Variants in SLC4A4 observed in about 807,000 individuals in gnomAD.
SLC4A4 encodes the protein solute carrier family 4 member 4.
A neutral mutation model predicts 111.5 loss-of-function variants in SLC4A4; 27 were observed. The ratio of observed to expected loss-of-function variants is 0.24; its 90% confidence interval spans 0.18 to 0.33. The LOEUF is 0.33. Among genes scored for constraint, SLC4A4 ranks in the 10% least tolerant of loss-of-function variants. SLC4A4 has a pLI of 1.00. For missense variants in SLC4A4, 909 were observed against 1,315.5 expected (o/e 0.69, Z 4.78); for synonymous variants, 443 against 463.4 (o/e 0.96, Z 0.57).
chr4:71,320,552 G>A (rs931353779), intron 3 of SLC4A4, among the ~76,000 whole-genome samples: 1 of 152,030 alleles, frequency 6.6e-6, no homozygotes, highest in African/African-American at 2.4e-5. Context: ...AGGTGGCAGA[G>A]GGATTTGGAC....
At chr4:71,198,632 C>A (rs1180993655) in intron 1 of SLC4A4, among the ~76,000 whole-genome samples, 1 of 152,078 alleles carries the variant, frequency 6.6e-6, no homozygotes, top group African/African-American at 2.4e-5. Flanking sequence ...TGAACACTTA[C>A]CCCAAATCCA....
chr4:71,412,193 C>T (rs530983534), intron 7 of SLC4A4, among the ~76,000 whole-genome samples: 4 of 152,216 alleles, frequency 2.6e-5, no homozygotes, highest in South Asian at 4.2e-4. Context: ...TGAATAAGAA[C>T]GTGAAAAATC....
chr4:71,362,735 AG>A (rs1218646581), intron 6 of SLC4A4, among the ~76,000 whole-genome samples: 6 of 148,522 alleles, frequency 4.0e-5, no homozygotes, highest in Non-Finnish European at 7.5e-5. Context: ...AATGGGTGTC[AG>A]GGGGGGTCCT....
intron 16 of SLC4A4, among the ~76,000 whole-genome samples, chr4:71,499,492 A>G (rs577679126): frequency 5.1e-4 from 78 of 152,236 alleles, no homozygotes; most frequent in Middle Eastern, 6.8e-3. Context: ...TATACAACAC[A>G]TTATTATTAG....
At position 71,276,563 on chromosome 4, in the gene SLC4A4, G is replaced by T. The variant is rs28628691; in HGVS notation, c.253+21164G>T. ...ATGAAATCATATGGTATGTGAATCTGCTTTTTTTTTTTTTAGATCTTCTTC... is the reference window on the plus strand; with the variant it reads ...ATGAAATCATATGGTATGTGAATCTTCTTTTTTTTTTTTTAGATCTTCTTC... On this transcript the variant is annotated intron_variant, in intron 3 of 25. Transcript: ENST00000264485. Among the ~76,000 whole-genome samples, 132 of 148,370 alleles carry T rather than the reference G, an allele frequency of 8.9e-4. No individual in the cohort carries two copies. In the South Asian group the frequency reaches 0.012, roughly 13 times the overall value.
chr4:71,193,350 A>T (rs2579363), intron 1 of SLC4A4, among the ~76,000 whole-genome samples: 7 of 151,200 alleles, frequency 4.6e-5, no homozygotes, highest in East Asian at 1.9e-4. Context: ...TAGTAGAGAC[A>T]GGGTTTCACC....
intron 14 of SLC4A4, among the ~76,000 whole-genome samples, chr4:71,473,570 G>A (rs1728081794): frequency 6.6e-6 from 1 of 151,854 alleles, no homozygotes; most frequent in Non-Finnish European, 1.5e-5. Flanking sequence ...TGTTCTAGGA[G>A]TAGATTTATA....
chr4:71,518,158 G>T (rs1732583463), intron 16 of SLC4A4, among the ~76,000 whole-genome samples: 1 of 152,126 alleles, frequency 6.6e-6, no homozygotes, highest in South Asian at 2.1e-4. Flanking sequence ...CTGGCCTAAT[G>T]CCTGAAGCCA....
Position 71,569,291 on chromosome 4 carries a change from T to C in SLC4A4, c.*1540T>C, listed in dbSNP as rs1052567304. ...GCTCTAACATGCAATATAAAATTCA[T>C]AGGAGTATTAATAGCCCATTTACAC... is the stretch of plus-strand genomic sequence containing the variant. On this transcript the variant is annotated 3_prime_UTR_variant, in exon 26 of 26. Transcript: ENST00000264485. The C allele has an allele frequency of 1.8e-4, 28 of 151,688 alleles. No individual in the cohort carries two copies. The highest frequency in any genetic ancestry group is 6.3e-4 in the African/African-American group (26 of 41,384). 9.4% of individuals were successfully genotyped at this position (151,688 alleles called of 1,614,324 possible). A position where few individuals can be genotyped will look rare whatever the true frequency, so the allele number is the denominator to read the frequency against.
At chr4:71,508,113 A>T (rs1368346780) in intron 16 of SLC4A4, among the ~76,000 whole-genome samples, 2 of 152,180 alleles carry the variant, frequency 1.3e-5, no homozygotes, top group African/African-American at 4.8e-5. Context: ...TTATAGCACT[A>T]AAAGCCCACA....
rs148160161 is a variant in SLC4A4, at chr4:71,096,318, C to A, written c.-2+3526C>A. On this transcript the variant is annotated intron_variant, in intron 2 of 26. Coordinates refer to the SLC4A4 transcript ENST00000649996. ...ACAGTAGTAGCTAGGGTAACCCAGA[C>A]GGTATGTATAGAGAAAGGAGAGAAG... 2.6e-5 allele frequency among the ~76,000 whole-genome samples: 4 copies of A among 152,090 alleles called. 1 individual carries two copies. The highest frequency in any genetic ancestry group is 6.5e-5 in the Admixed American group (1 of 15,268).
intron 18 of SLC4A4, among the ~76,000 whole-genome samples, chr4:71,543,368 G>A (rs895834908): frequency 2.6e-5 from 4 of 152,064 alleles, no homozygotes; most frequent in African/African-American, 9.7e-5. Flanking sequence ...TTCCCCTTAA[G>A]AACAAAAAGA....
At chr4:71,459,260 A>G (rs887485441) in intron 12 of SLC4A4, among the ~76,000 whole-genome samples, 1 of 152,004 alleles carries the variant, frequency 6.6e-6, no homozygotes, top group Non-Finnish European at 1.5e-5. Flanking sequence ...CTAAATTCTA[A>G]TTCTTATTTT....
intron 3 of SLC4A4, among the ~76,000 whole-genome samples, chr4:71,331,086 T>C (rs926334734): frequency 6.6e-6 from 1 of 152,018 alleles, no homozygotes; most frequent in African/African-American, 2.4e-5. Flanking sequence ...AAACAACAGG[T>C]GCTGGAGAGG....
intron 2 of SLC4A4, among the ~76,000 whole-genome samples, chr4:71,179,061 A>G (rs1358913742): frequency 6.6e-6 from 1 of 152,232 alleles, no homozygotes; most frequent in Non-Finnish European, 1.5e-5. Flanking sequence ...TATGCAAATC[A>G]ATAAACATAA....
intron 7 of SLC4A4, among the ~76,000 whole-genome samples, chr4:71,407,714 G>T (rs1720990225): frequency 6.6e-6 from 1 of 151,904 alleles, no homozygotes; most frequent in Non-Finnish European, 1.5e-5. Context: ...GGAAATTATT[G>T]TGGCTTTTAG....
chr4:71,372,763 T>A (rs1165486209), intron 6 of SLC4A4, among the ~76,000 whole-genome samples: 1 of 152,226 alleles, frequency 6.6e-6, no homozygotes, highest in East Asian at 1.9e-4. Context: ...TCCAGTTCAG[T>A]GTTTTGCTTT....
chr4:71,129,668 T>C (rs780225519), intron 2 of SLC4A4, among the ~76,000 whole-genome samples: 17 of 151,712 alleles, frequency 1.1e-4, no homozygotes, highest in Non-Finnish European at 2.5e-4. Context: ...ACATCACATG[T>C]ATGTTCATTG....
chr4:71,357,505 C>T (rs1429821823), intron 6 of SLC4A4, among the ~76,000 whole-genome samples: 6 of 152,016 alleles, frequency 3.9e-5, no homozygotes, highest in East Asian at 1.9e-4. Flanking sequence ...TCAGCAGATT[C>T]GTAGATTATT....
Sources: allele counts gnomAD v4.1 joint callset (sites outside exome capture counted in the v4.1 genomes callset), GRCh38; gene constraint gnomAD v4.1.1; transcripts MANE v1.5; gene names NCBI Gene and HGNC (gene_info 2026-07-23, HGNC 2026-07-21).